The following TBC1D19 variants were observed in gnomAD, a reference collection of about 807,000 sequenced individuals.
TBC1D19 encodes the protein TBC1 domain family, member 19.
In TBC1D19, 60 loss-of-function variants were observed where a neutral mutation model predicts 89.0. The ratio of observed to expected loss-of-function variants is 0.67; its 90% CI spans 0.55 to 0.84. TBC1D19 has a LOEUF of 0.84. TBC1D19 is among the 40% of genes least tolerant of loss of function. The pLI, the probability that TBC1D19 is intolerant of heterozygous loss-of-function variation, is 0.00. For synonymous variants in TBC1D19, 189 were observed against 199.7 expected (o/e 0.95, Z 0.45); for missense variants, 500 against 610.8 (o/e 0.82, Z 1.91).
chr4:26,823,166 C>A, the TBC1D19 span, among the ~76,000 whole-genome samples: 1 of 152,188 alleles, frequency 6.6e-6, no homozygotes, highest in African/African-American at 2.4e-5. Flanking sequence ...TGGCAACAGG[C>A]AAACAGAGAG....
At position 26,683,551 on chromosome 4, in the gene TBC1D19, T is replaced by C. The variant is rs544133042; in HGVS notation, c.817-124T>C. 1.8e-5 allele frequency: 12 copies of C among 659,048 alleles called. No individual in the cohort carries two copies. In the Admixed American group the frequency reaches 2.6e-4, roughly 14 times the overall value. The allele number at this position is 659,048 out of a possible 1,614,324, so 40.8% of individuals were successfully genotyped here. A position where few individuals can be genotyped will look rare whatever the true frequency, so the allele number is the denominator to read the frequency against. On this transcript the variant is annotated intron_variant, in intron 11 of 20. Coordinates refer to ENST00000264866, the MANE Select transcript of TBC1D19 (RefSeq NM_018317.4). ...TACTATTAGTCAGGCATGAGGGTTA[T>C]AGTAGTGCCTAACACTGAGTTCCTG...
intron 1 of TBC1D19, among the ~76,000 whole-genome samples, chr4:26,601,550 A>G (rs891485433): frequency 6.6e-6 from 1 of 152,212 alleles, no homozygotes; most frequent in Non-Finnish European, 1.5e-5. Flanking sequence ...TGAGTTCCCA[A>G]TGTAGGAACA....
rs561809785 is a variant in TBC1D19, at chr4:26,740,006, G to T, written c.1227+33G>T. 27 of 1,380,692 alleles carry T rather than the reference G, an allele frequency of 2.0e-5. No individual in the cohort carries two copies. In the African/African-American group the frequency reaches 3.1e-4, roughly 16 times the overall value. The allele number at this position is 1,380,692 out of a possible 1,614,324, so 85.5% of individuals were successfully genotyped here. On this transcript the variant is annotated intron_variant, in intron 17 of 20. Coordinates refer to ENST00000264866, the MANE Select transcript of TBC1D19 (RefSeq NM_018317.4). ...CATAAGAAAAACTTGATCAAATTAG[G>T]TTGGATTGTAATCTATTCTTTCTTT...
chr4:26,642,739 G>A lies in TBC1D19; in HGVS notation c.480+2552G>A, dbSNP rs575985530. 3.9e-5 allele frequency among the ~76,000 whole-genome samples: 6 copies of A among 152,230 alleles called. No homozygotes were observed. In the South Asian group the frequency reaches 6.2e-4, roughly 16 times the overall value. On this transcript the variant is annotated intron_variant, in intron 7 of 20. Transcript: ENST00000264866. ...AAAATAAAGGGATGGAGGAAGATCT[G>A]CCAAGCAAATGGAAAGCACAAAAAG...
chr4:26,851,687 T>C, the TBC1D19 span, among the ~76,000 whole-genome samples: 1 of 152,242 alleles, frequency 6.6e-6, no homozygotes, highest in South Asian at 2.1e-4. Context: ...TGTCTATAAA[T>C]GTGTACCTTG....
chr4:26,760,263 T>A (rs1719411118), downstream of TBC1D19, among the ~76,000 whole-genome samples: 1 of 152,206 alleles, frequency 6.6e-6, no homozygotes, highest in Admixed American at 6.5e-5. Context: ...TTTAAATCAA[T>A]GATCTTACTA....
Position 26,755,013 on chromosome 4 carries a change from C to A in TBC1D19, c.*66C>A. 1 of 1,440,714 alleles carries A rather than the reference C, an allele frequency of 6.9e-7. No individual in the cohort carries two copies. Among genetic ancestry groups the A allele is most frequent in the Non-Finnish European group, 9.4e-7 (1 of 1,065,074 alleles). The allele number at this position is 1,440,714 out of a possible 1,614,324, so 89.2% of individuals were successfully genotyped here. ...AGAAACAAATCATGAACTATGCAAA[C>A]TCTGCATAAAACCAAAATGAAACTT... is the stretch of plus-strand genomic sequence containing the variant. On this transcript the variant is annotated 3_prime_UTR_variant, in exon 21 of 21. Coordinates refer to ENST00000264866, the MANE Select transcript of TBC1D19 (RefSeq NM_018317.4).
chr4:26,713,406 A>G (rs1376785918), intron 13 of TBC1D19, among the ~76,000 whole-genome samples: 1 of 151,986 alleles, frequency 6.6e-6, no homozygotes, highest in Non-Finnish European at 1.5e-5. Flanking sequence ...TGAAACCAAC[A>G]TTTGCAATAT....
At chr4:26,657,422 T>C (rs1180530423) in intron 7 of TBC1D19, among the ~76,000 whole-genome samples, 1 of 152,176 alleles carries the variant, frequency 6.6e-6, no homozygotes, top group East Asian at 1.9e-4. Flanking sequence ...AACTCATCCT[T>C]TTTTATGGCT....
intron 13 of TBC1D19, among the ~76,000 whole-genome samples, chr4:26,716,436 T>C (rs1156400192): frequency 6.6e-6 from 1 of 152,088 alleles, no homozygotes; most frequent in East Asian, 1.9e-4. Flanking sequence ...CCCAAAGCAA[T>C]TGACCAGACA....
chr4:26,800,180 G>C, the TBC1D19 span, among the ~76,000 whole-genome samples: 1 of 152,010 alleles, frequency 6.6e-6, no homozygotes, highest in East Asian at 1.9e-4. Context: ...AACAGTCCCT[G>C]GTGTGTGATG....
chr4:26,638,022 C>T (rs748692122), intron 5 of TBC1D19, among the ~76,000 whole-genome samples: 13 of 151,942 alleles, frequency 8.6e-5, no homozygotes, highest in Non-Finnish European at 1.8e-4. Flanking sequence ...ACGTAGGAAA[C>T]GAAAAGGATA....
At chr4:26,710,880 G>GT (rs1297712265) in intron 13 of TBC1D19, among the ~76,000 whole-genome samples, 1 of 151,982 alleles carries the variant, frequency 6.6e-6, no homozygotes, top group Non-Finnish European at 1.5e-5. Context: ...GGGGTTGTTT[G>GT]TTTTTTCTTG....
intron 15 of TBC1D19, among the ~76,000 whole-genome samples, chr4:26,732,032 AT>A (rs1467399430): frequency 1.3e-5 from 2 of 152,024 alleles, no homozygotes; most frequent in Non-Finnish European, 2.9e-5. Context: ...CTTCCTTCCT[AT>A]TTTTTCTTCT....
chr4:26,827,464 C>T, the TBC1D19 span, among the ~76,000 whole-genome samples: 17 of 152,070 alleles, frequency 1.1e-4, no homozygotes, highest in Non-Finnish European at 2.2e-4. Context: ...ATTAGTCAGG[C>T]ATGGTGGCAG....
At chr4:26,607,854 C>A (rs968414447) in intron 1 of TBC1D19, among the ~76,000 whole-genome samples, 2 of 152,108 alleles carry the variant, frequency 1.3e-5, no homozygotes, top group African/African-American at 4.8e-5. Flanking sequence ...AATTCTACAC[C>A]GGTCCTTTAA....
intron 3 of TBC1D19, 85 bp from the exon 4 acceptor site, chr4:26,620,528 C>T: frequency 9.3e-7 from 1 of 1,078,022 alleles, no homozygotes; most frequent in Non-Finnish European, 1.4e-6. Flanking sequence ...ACTGGGAAAA[C>T]AGTTTATAAC....
At position 26,691,963 on chromosome 4, in the gene TBC1D19, A is replaced by G. The variant is rs375094618; in HGVS notation, c.954+3556A>G. On this transcript the variant is annotated intron_variant, in intron 13 of 20. Coordinates refer to ENST00000264866, the MANE Select transcript of TBC1D19 (RefSeq NM_018317.4). ...AACTAGTGAAAACTATTTTTTTAAA[A>G]GTATTTAAAGTCTCTGGTAATTATC... Among the ~76,000 whole-genome samples, 4 of 152,178 alleles carry G rather than the reference A, an allele frequency of 2.6e-5. No homozygotes were observed. The East Asian group carries it at 7.7e-4, about 29-fold the overall frequency.
At chr4:26,788,368 G>A in the TBC1D19 span, among the ~76,000 whole-genome samples, 2 of 152,176 alleles carry the variant, frequency 1.3e-5, no homozygotes, top group Non-Finnish European at 2.9e-5. Context: ...CTTAATGGGA[G>A]GTTCCCGGAT....
Sources: allele counts gnomAD v4.1 joint callset (sites outside exome capture counted in the v4.1 genomes callset), GRCh38; gene constraint gnomAD v4.1.1; transcripts MANE v1.5; gene names NCBI Gene and HGNC (gene_info 2026-07-23, HGNC 2026-07-21).